The following GALNT2 variants were observed in gnomAD, a reference collection of about 807,000 sequenced individuals.
GALNT2 encodes the protein polypeptide N-acetylgalactosaminyltransferase 2.
Under a neutral mutation model 81.4 loss-of-function variants are expected in GALNT2, and 31 were observed. The ratio of observed to expected loss-of-function variants is 0.38; its 90% CI spans 0.29 to 0.51. The LOEUF is 0.51. GALNT2 is among the 20% of genes least tolerant of loss of function. The pLI is 0.87. For synonymous variants in GALNT2, 303 were observed against 287.4 expected, an observed-to-expected ratio of 1.05 and a Z score of -0.55; for missense variants, 629 against 765.7, an observed-to-expected ratio of 0.82 and a Z score of 2.11.
rs768631969 is a variant in GALNT2 at position 230,070,866 on chromosome 1, G to GTCTAATGTCTA, written c.126+3460_126+3461insTCTAATGTCTA. On this transcript the variant is annotated intron_variant, in intron 1 of 15. Coordinates refer to ENST00000366672, the MANE Select transcript of GALNT2 (RefSeq NM_004481.5). The surrounding 1 kb of genome is among the most constrained non-coding windows in gnomAD (Gnocchi z 4.7). ...ATTTGGGAACTAGTAATGTTTTTGA[G>GTCTAATGTCTA]CTAGTAGTAGACATTAAAGGGAAAT... 1.2e-4 allele frequency among the ~76,000 whole-genome samples: 18 copies of GTCTAATGTCTA among 152,314 alleles called. No homozygotes were observed. The South Asian group carries it at 1.5e-3, about 12-fold the overall frequency.
At chr1:230,075,664 C>T (rs1437632815) in intron 1 of GALNT2, among the ~76,000 whole-genome samples, 1 of 152,144 alleles carries the variant, frequency 6.6e-6, no homozygotes, top group Non-Finnish European at 1.5e-5. Flanking sequence ...TCCTTGTGGT[C>T]TTGGAGCTTT....
At chr1:230,208,991 G>A (rs926162681) in intron 3 of GALNT2, among the ~76,000 whole-genome samples, 1 of 151,912 alleles carries the variant, frequency 6.6e-6, no homozygotes, top group Non-Finnish European at 1.5e-5. Flanking sequence ...TACCCAAATG[G>A]CCACAGGGCT....
chr1:230,156,205 ACGAG>A (rs761686385), intron 1 of GALNT2, among the ~76,000 whole-genome samples: 53,025 of 128,776 alleles, frequency 0.41, 10,588 homozygotes, highest in Non-Finnish European at 0.46. Context: ...GGGGGAGCAG[ACGAG>A]GGAGAGAGAG....
intron 11 of GALNT2, 23 bp from the exon 12 acceptor site, chr1:230,262,550 C>T (rs1665909459): frequency 3.8e-6 from 6 of 1,593,642 alleles, no homozygotes; most frequent in Non-Finnish European, 5.2e-6. Flanking sequence ...GAAATCACAC[C>T]TCAAGATTTA....
chr1:230,234,525 A>T (rs140393223), intron 3 of GALNT2, among the ~76,000 whole-genome samples: 235 of 152,340 alleles, frequency 1.5e-3, no homozygotes, highest in Middle Eastern at 6.8e-3. Flanking sequence ...CATGGGACAG[A>T]CAAACAGGCC....
chr1:230,140,974 G>A (rs1220065056), intron 1 of GALNT2, among the ~76,000 whole-genome samples: 1 of 152,138 alleles, frequency 6.6e-6, no homozygotes, highest in Non-Finnish European at 1.5e-5. Flanking sequence ...CTCTGCTTTT[G>A]TGTCATCATT....
At chr1:230,129,884 T>C (rs1050590715) in intron 1 of GALNT2, among the ~76,000 whole-genome samples, 1 of 152,218 alleles carries the variant, frequency 6.6e-6, no homozygotes, top group Non-Finnish European at 1.5e-5. Flanking sequence ...GGACCACAGG[T>C]TGTCCCCAGG....
chr1:230,232,622 G>C (rs1225588291), intron 3 of GALNT2, among the ~76,000 whole-genome samples: 1 of 152,194 alleles, frequency 6.6e-6, no homozygotes, highest in East Asian at 1.9e-4. Flanking sequence ...TGTTAAGTGG[G>C]ACCTAATTGC....
intron 1 of GALNT2, among the ~76,000 whole-genome samples, chr1:230,080,063 C>T (rs1183607026): frequency 6.6e-6 from 1 of 152,172 alleles, no homozygotes; most frequent in Non-Finnish European, 1.5e-5. Flanking sequence ...GTCATAATTG[C>T]AGTAGTGTTT....
At chr1:230,156,244 A>AGAGTGTGT (rs532022468) in intron 1 of GALNT2, among the ~76,000 whole-genome samples, 1 of 146,898 alleles carries the variant, frequency 6.8e-6, no homozygotes, top group East Asian at 2.0e-4. Flanking sequence ...AGAGAGAGAG[A>AGAGTGTGT]GTGTGTGTGT....
intron 1 of GALNT2, among the ~76,000 whole-genome samples, chr1:230,150,640 G>A (rs1662064034): frequency 6.6e-6 from 1 of 152,210 alleles, no homozygotes; most frequent in South Asian, 2.1e-4. Flanking sequence ...TAGACCTTAA[G>A]CTCTACTTAT....
At chr1:230,186,023 C>T (rs953017569) in intron 2 of GALNT2, among the ~76,000 whole-genome samples, 1 of 152,338 alleles carries the variant, frequency 6.6e-6, no homozygotes, top group Non-Finnish European at 1.5e-5. Context: ...CCAACAGATC[C>T]AAGGCAGATC....
chr1:230,121,476 C>G (rs1442114782), intron 1 of GALNT2, among the ~76,000 whole-genome samples: 1 of 152,224 alleles, frequency 6.6e-6, no homozygotes, highest in Non-Finnish European at 1.5e-5. Context: ...CATTCCCTCA[C>G]TCCCCTCTTC....
intron 2 of GALNT2, among the ~76,000 whole-genome samples, chr1:230,201,618 G>T (rs902008386): frequency 6.6e-6 from 1 of 152,112 alleles, no homozygotes; most frequent in African/African-American, 2.4e-5. Context: ...GGGTTGACAC[G>T]CTGCAAAAGA....
At chr1:230,078,624 G>A (rs1659637802) in intron 1 of GALNT2, among the ~76,000 whole-genome samples, 1 of 152,068 alleles carries the variant, frequency 6.6e-6, no homozygotes, top group African/African-American at 2.4e-5. Context: ...TTCTTACATT[G>A]GTTGCTGTTT....
chr1:230,262,742 A>G (rs1268992196), intron 12 of GALNT2, 77 bp downstream of exon 12: 2 of 1,442,694 alleles, frequency 1.4e-6, no homozygotes, highest in Non-Finnish European at 1.9e-6. Flanking sequence ...GGCTGCCCCC[A>G]GCGTTGAATT....
intron 6 of GALNT2, among the ~76,000 whole-genome samples, chr1:230,238,288 T>C (rs1003502820): frequency 6.6e-5 from 10 of 152,334 alleles, no homozygotes; most frequent in Admixed American, 1.3e-4. Context: ...AGGATCATTC[T>C]TCTGTGGATT....
At chr1:230,276,932 A>G (rs996742064) in intron 15 of GALNT2, among the ~76,000 whole-genome samples, 31 of 152,196 alleles carry the variant, frequency 2.0e-4, no homozygotes, top group Non-Finnish European at 5.9e-5. Flanking sequence ...CCTGGGATGT[A>G]ACGGAGCAGA....
At chr1:230,075,923 G>C (rs367822314) in intron 1 of GALNT2, among the ~76,000 whole-genome samples, 1 of 152,090 alleles carries the variant, frequency 6.6e-6, no homozygotes, top group East Asian at 1.9e-4. Context: ...TTTCATCTTC[G>C]TCCAGCCTCT....
Sources: gnomAD v4.1 joint callset for allele counts (sites outside exome capture counted in the v4.1 genomes callset) on GRCh38, gnomAD v4.1.1 for gene constraint, Gnocchi (gnomAD v3.1) non-coding constraint, MANE v1.5 for transcripts, NCBI Gene and HGNC (gene_info 2026-07-23, HGNC 2026-07-21) for gene names.